Variants in USP8 observed in about 807,000 individuals in gnomAD.
The protein encoded by USP8 is ubiquitin specific peptidase 8.
Under a neutral mutation model 130.0 loss-of-function variants are expected in USP8, and 27 were observed. The observed-to-expected ratio is 0.21, with a 90% CI of 0.15 to 0.29. USP8 has a LOEUF of 0.29. USP8 is among the 10% of genes least tolerant of loss of function. The pLI is 1.00. For missense variants in USP8, 1,029 were observed against 1,312.2 expected, an observed-to-expected ratio of 0.78 and a Z score of 3.33; for synonymous variants, 392 against 444.1, an observed-to-expected ratio of 0.88 and a Z score of 1.48.
chr15:50,486,653 A>G (rs1394104937), intron 12 of USP8, among the ~76,000 whole-genome samples: 2 of 152,264 alleles, frequency 1.3e-5, no homozygotes, highest in East Asian at 1.9e-4. Context: ...CAAATAATTT[A>G]TACAATTTAT....
At chr15:50,443,142 G>A (rs887826399) in intron 3 of USP8, among the ~76,000 whole-genome samples, 3 of 152,080 alleles carry the variant, frequency 2.0e-5, no homozygotes, top group East Asian at 3.9e-4. Context: ...GGGTTCAAGC[G>A]ATTCTCCTGC....
intron 4 of USP8, among the ~76,000 whole-genome samples, chr15:50,453,949 G>T (rs1172618888): frequency 8.0e-6 from 1 of 124,862 alleles, no homozygotes; most frequent in Non-Finnish European, 1.6e-5. Context: ...TGCAACTCCC[G>T]CCCCCAGGTT....
chr15:50,497,160 A>G lies in USP8; in HGVS notation c.2967A>G (p.Arg989=), dbSNP rs2052448433. 6.2e-7 allele frequency: 1 copy of G among 1,610,792 alleles called. No homozygotes were observed. The highest frequency in any genetic ancestry group is 8.5e-7 in the Non-Finnish European group (1 of 1,178,752). Residue 989 remains arginine (R), a synonymous_variant, in exon 18 of 20, where the codon AGA becomes AGG. Coordinates refer to ENST00000307179, the MANE Select transcript of USP8 (RefSeq NM_005154.5). ...DNNRFYCSHC[R]ARRDSLKKIE... ...ACAGATTTTACTGCAGTCATTGCAG[A>G]GCTCGACGGGATTCTCTAAAAAAGA...
chr15:50,466,417 G>A (rs1347139670), intron 7 of USP8, among the ~76,000 whole-genome samples: 1 of 152,010 alleles, frequency 6.6e-6, no homozygotes, highest in African/African-American at 2.4e-5. Context: ...TGGCCAACAT[G>A]GTGAAACCCC....
intron 12 of USP8, among the ~76,000 whole-genome samples, chr15:50,488,808 G>T (rs1471071709): frequency 2.6e-5 from 4 of 151,460 alleles, no homozygotes; most frequent in Non-Finnish European, 4.4e-5. Context: ...CCTGACCTCA[G>T]GTGATCCACC....
chr15:50,498,500 A>ATTTT, intron 18 of USP8, 96 bp from the exon 19 acceptor site: 1 of 1,411,432 alleles, frequency 7.1e-7, no homozygotes, highest in Non-Finnish European at 9.4e-7. Flanking sequence ...TTTGAAATGG[A>ATTTT]TTTTACAGTC....
At chr15:50,427,195 GA>G (rs2049763031) in intron 1 of USP8, among the ~76,000 whole-genome samples, 1 of 152,062 alleles carries the variant, frequency 6.6e-6, no homozygotes, top group African/African-American at 2.4e-5. Flanking sequence ...CTCAACCTCC[GA>G]AAGTGCTGGA....
rs2050258820 is a variant in USP8 at position 50,441,502 on chromosome 15, T to C, written c.249+9T>C. ...ATTTCAAGCAACAGCAGGTACCTTT[T>C]ATTTTTGCATTGTTATTTCCTAAGT... On this transcript the variant is annotated intron_variant, in intron 3 of 19. Coordinates refer to ENST00000307179, the MANE Select transcript of USP8 (RefSeq NM_005154.5). 3.2e-6 allele frequency: 5 copies of C among 1,545,392 alleles called. No homozygotes were observed. Among genetic ancestry groups the C allele is most frequent in the Non-Finnish European group, 2.6e-6 (3 of 1,154,864 alleles).
chr15:50,469,635 C>A (rs74601083), intron 7 of USP8, among the ~76,000 whole-genome samples: 1 of 151,986 alleles, frequency 6.6e-6, no homozygotes, highest in African/African-American at 2.4e-5. Flanking sequence ...TATATAGGAA[C>A]TGGATTTCAA....
intron 2 of USP8, among the ~76,000 whole-genome samples, chr15:50,440,539 C>T (rs969256222): frequency 6.6e-6 from 1 of 152,120 alleles, no homozygotes; most frequent in African/African-American, 2.4e-5. Context: ...ATTTATTGTG[C>T]ACTTTATTTC....
chr15:50,438,934 AT>A (rs35912128), intron 1 of USP8, 74 bp from the exon 2 acceptor site: 7,333 of 500,908 alleles, frequency 0.015, 5 homozygotes, highest in South Asian at 0.024. Flanking sequence ...TGGTTTAGGA[AT>A]TTTTTTTTTT....
At chr15:50,462,841 TTAAG>T (rs1387586571) in intron 6 of USP8, among the ~76,000 whole-genome samples, 1 of 152,190 alleles carries the variant, frequency 6.6e-6, no homozygotes, top group Non-Finnish European at 1.5e-5. Context: ...ATGGTAAACT[TTAAG>T]TAGGACTTAT....
chr15:50,496,337 C>T (rs1443526090), intron 17 of USP8, among the ~76,000 whole-genome samples: 4 of 151,874 alleles, frequency 2.6e-5, no homozygotes, highest in Non-Finnish European at 4.4e-5. Context: ...AAAAATTAGC[C>T]GGGCGTGGTG....
chr15:50,482,336 A>G (rs1362039191), intron 11 of USP8, among the ~76,000 whole-genome samples: 2 of 152,256 alleles, frequency 1.3e-5, no homozygotes, highest in South Asian at 4.1e-4. Flanking sequence ...AAATAGCTAC[A>G]TTCTTCATTT....
At chr15:50,444,514 T>C (rs1240892165) in intron 3 of USP8, 1 of 152,104 alleles carries the variant, frequency 6.6e-6, no homozygotes, top group Admixed American at 6.6e-5. Context: ...CCTTTTTTTT[T>C]CTCTTCTTGA....
At chr15:50,473,058 C>T (rs2051434357) in intron 8 of USP8, among the ~76,000 whole-genome samples, 1 of 152,080 alleles carries the variant, frequency 6.6e-6, no homozygotes, top group African/African-American at 2.4e-5. Flanking sequence ...GTCGTGGGCA[C>T]AGATAGCCAT....
intron 4 of USP8, among the ~76,000 whole-genome samples, chr15:50,452,648 C>A (rs1459277521): frequency 6.6e-6 from 1 of 152,164 alleles, no homozygotes; most frequent in Admixed American, 6.5e-5. Context: ...CGGAGCCAGA[C>A]TCCCTGGGTA....
chr15:50,482,843 T>G (rs1292062952), intron 11 of USP8, among the ~76,000 whole-genome samples: 1 of 152,224 alleles, frequency 6.6e-6, no homozygotes, highest in Non-Finnish European at 1.5e-5. Context: ...GGATACCATC[T>G]TTACAGAATG....
chr15:50,490,802 C>T (rs946885274), intron 14 of USP8, among the ~76,000 whole-genome samples: 1 of 152,088 alleles, frequency 6.6e-6, no homozygotes, highest in Admixed American at 6.6e-5. Context: ...TGCCAGAGTA[C>T]CCTCACGTTT....
Sources: allele counts gnomAD v4.1 joint callset (sites outside exome capture counted in the v4.1 genomes callset), GRCh38; gene constraint gnomAD v4.1.1; transcripts MANE v1.5; gene names NCBI Gene and HGNC (gene_info 2026-07-23, HGNC 2026-07-21).